NDST4: variants seen among roughly 807,000 people sequenced by gnomAD.
The protein encoded by NDST4 is N-heparan sulfate sulfotransferase 4.
In NDST4, 63 loss-of-function variants were observed where a neutral mutation model predicts 100.8. The observed-to-expected ratio is 0.62, with a 90% confidence interval of 0.51 to 0.77. NDST4 has a LOEUF of 0.77. NDST4 is among the 30% of genes least tolerant of loss of function. The pLI, the probability that NDST4 is intolerant of heterozygous loss-of-function variation, is 0.00. For missense variants in NDST4, 943 were observed against 1,018.4 expected (o/e 0.93, Z 1.01); for synonymous variants, 377 against 361.8 (o/e 1.04, Z -0.48).
intron 6 of NDST4, among the ~76,000 whole-genome samples, chr4:114,898,450 C>A (rs139627681): frequency 1.3e-4 from 20 of 152,178 alleles, no homozygotes; most frequent in Admixed American, 3.9e-4. Flanking sequence ...TATTTGATAC[C>A]TGTAGCTTTA....
At chr4:114,899,205 C>A (rs574566981) in intron 6 of NDST4, among the ~76,000 whole-genome samples, 1 of 151,966 alleles carries the variant, frequency 6.6e-6, no homozygotes, top group African/African-American at 2.4e-5. Flanking sequence ...TTAGATGGAG[C>A]CTCGTTCTGT....
intron 2 of NDST4, among the ~76,000 whole-genome samples, chr4:115,000,816 A>G (rs1411030945): frequency 6.6e-6 from 1 of 152,138 alleles, no homozygotes; most frequent in Admixed American, 6.6e-5. Context: ...CAGACTAAGG[A>G]GCTGATTAAC....
At chr4:115,109,962 C>T (rs555820251) in intron 1 of NDST4, among the ~76,000 whole-genome samples, 2 of 151,942 alleles carry the variant, frequency 1.3e-5, no homozygotes, top group South Asian at 4.1e-4. Context: ...ATTTACTATT[C>T]ACATTTCAAA....
chr4:114,934,632 G>A (rs1242240885), intron 6 of NDST4, among the ~76,000 whole-genome samples: 3 of 151,784 alleles, frequency 2.0e-5, no homozygotes, highest in Non-Finnish European at 4.4e-5. Flanking sequence ...TAGGATGCCA[G>A]TGGCTGGGGG....
chr4:115,030,158 G>T (rs544018556), intron 2 of NDST4, among the ~76,000 whole-genome samples: 1 of 152,070 alleles, frequency 6.6e-6, no homozygotes, highest in Non-Finnish European at 1.5e-5. Flanking sequence ...AATGGATAGA[G>T]AAACAGAAAC....
chr4:115,100,805 CTT>C (rs58968400), intron 1 of NDST4, among the ~76,000 whole-genome samples: 4,444 of 147,688 alleles, frequency 0.03, 228 homozygotes, highest in African/African-American at 0.1. Flanking sequence ...TGCTTCACTC[CTT>C]TTTTTTTTTT....
chr4:114,868,121 A>G (rs1262612523), intron 7 of NDST4, among the ~76,000 whole-genome samples: 1 of 152,182 alleles, frequency 6.6e-6, no homozygotes, highest in Non-Finnish European at 1.5e-5. Flanking sequence ...TTGAAAATCT[A>G]AAGAAAAATA....
At position 115,076,531 on chromosome 4, in the gene NDST4, T is replaced by G; in HGVS notation, c.506A>C (p.Glu169Ala). 1 of 1,614,030 alleles carries G rather than the reference T, an allele frequency of 6.2e-7. No homozygotes were observed. Among genetic ancestry groups the G allele is most frequent in the South Asian group, 1.1e-5 (1 of 91,078 alleles). Residue 169 changes from glutamate (E) to alanine (A), a missense_variant, in exon 2 of 14, where the codon GAG becomes GCG. Transcript: ENST00000264363. Reference sequence around the variant, plus strand: ...TAATTGTGTACTTGGTAAGCTGTTCTCATTGGCTTTATGAAAACCGATTAT... The same window carrying G: ...TAATTGTGTACTTGGTAAGCTGTTCGCATTGGCTTTATGAAAACCGATTAT... ...VSIIGFHKAN[E>A]NSLPSTQLKG...
intron 1 of NDST4, among the ~76,000 whole-genome samples, chr4:115,103,308 A>G (rs1729769947): frequency 6.6e-6 from 1 of 152,188 alleles, no homozygotes; most frequent in Non-Finnish European, 1.5e-5. Context: ...GAATGAATGA[A>G]GAATGTAATG....
In NDST4 at chr4:114,998,084, C is replaced by T. The variant is rs548023530; in HGVS notation, c.979-20810G>A. ...AATCATTTTGCTTTATACTGGATTC[C>T]TATACTTAGAGGACCTAAGGATTAA... On this transcript the variant is annotated intron_variant, in intron 2 of 13. Coordinates refer to ENST00000264363, the MANE Select transcript of NDST4 (RefSeq NM_022569.3). Among the ~76,000 whole-genome samples the T allele has an allele frequency of 2.0e-5, 3 of 152,170 alleles. No individual in the cohort carries two copies. In the South Asian group the frequency reaches 6.2e-4, roughly 32 times the overall value.
chr4:115,031,982 TC>T (rs1728126147), intron 2 of NDST4, among the ~76,000 whole-genome samples: 1 of 152,062 alleles, frequency 6.6e-6, no homozygotes, highest in South Asian at 2.1e-4. Context: ...ACATATTTTT[TC>T]CTAATTACAG....
At chr4:114,912,805 T>C (rs1221530049) in intron 6 of NDST4, among the ~76,000 whole-genome samples, 1 of 152,130 alleles carries the variant, frequency 6.6e-6, no homozygotes, top group Non-Finnish European at 1.5e-5. Context: ...AACAACAAAG[T>C]AACTCATTGT....
chr4:114,936,126 TAATGCCATACAAGATCC>T (rs1725623925), intron 5 of NDST4, among the ~76,000 whole-genome samples: 1 of 152,148 alleles, frequency 6.6e-6, no homozygotes, highest in South Asian at 2.1e-4. Context: ...GGCAAGGAAT[TAATGCCATACAAGATCC>T]AATGATGTTT....
intron 2 of NDST4, among the ~76,000 whole-genome samples, chr4:115,000,648 G>C (rs893557191): frequency 2.0e-5 from 3 of 151,934 alleles, no homozygotes; most frequent in Admixed American, 2.0e-4. Context: ...TAATTACTAC[G>C]CAAAATTTCT....
intron 3 of NDST4, among the ~76,000 whole-genome samples, chr4:114,975,299 A>G (rs1406051188): frequency 1.3e-5 from 2 of 152,122 alleles, no homozygotes; most frequent in African/African-American, 4.8e-5. Flanking sequence ...TATTTATGTG[A>G]AAGAAATTAA....
Position 114,970,427 on chromosome 4 carries a change from CA to C in NDST4, c.1221+2del, listed in dbSNP as rs756739786. On this transcript the variant is annotated splice_donor_variant, in intron 4 of 13. Coordinates refer to ENST00000264363, the MANE Select transcript of NDST4 (RefSeq NM_022569.3). LOFTEE classifies it high-confidence loss of function. ...AAAAGATACCACAATAAAATGTGCT[CA>C]CCAGTGCAAATTCCTTGTTGAGAAT... 1 of 1,611,810 alleles carries C rather than the reference CA, an allele frequency of 6.2e-7. No individual in the cohort carries two copies. The highest frequency in any genetic ancestry group is 8.5e-7 in the Non-Finnish European group (1 of 1,178,720).
At chr4:115,091,986 G>A (rs910374251) in intron 1 of NDST4, among the ~76,000 whole-genome samples, 5 of 151,974 alleles carry the variant, frequency 3.3e-5, no homozygotes, top group Admixed American at 1.3e-4. Context: ...TGCAAACATC[G>A]AGATGATTAC....
chr4:115,092,358 A>C (rs1729536314), intron 1 of NDST4, among the ~76,000 whole-genome samples: 1 of 152,166 alleles, frequency 6.6e-6, no homozygotes, highest in Non-Finnish European at 1.5e-5. Context: ...AGGCTGGAAA[A>C]CAATTATTTG....
At chr4:114,888,235 AATAT>A (rs555464799) in intron 6 of NDST4, among the ~76,000 whole-genome samples, 1 of 150,228 alleles carries the variant, frequency 6.7e-6, no homozygotes, top group Non-Finnish European at 1.5e-5. Flanking sequence ...ATTTAATTAA[AATAT>A]ATATATATAT....
Sources: allele counts gnomAD v4.1 joint callset (sites outside exome capture counted in the v4.1 genomes callset), GRCh38; gene constraint gnomAD v4.1.1; transcripts MANE v1.5; gene names NCBI Gene and HGNC (gene_info 2026-07-23, HGNC 2026-07-21).